GABRA4: variants seen among roughly 807,000 people sequenced by gnomAD.
GABRA4 encodes gamma-aminobutyric acid type A receptor subunit alpha4.
Under a neutral mutation model 49.7 loss-of-function variants are expected in GABRA4, and 12 were observed. The observed-to-expected ratio is 0.24, with a 90% CI of 0.15 to 0.39. The LOEUF is 0.39. GABRA4 is among the 10% of genes least tolerant of loss of function. GABRA4 has a pLI of 1.00. For missense variants in GABRA4, 506 were observed against 686.0 expected, an observed-to-expected ratio of 0.74 and a Z score of 2.93; for synonymous variants, 288 against 240.2, an observed-to-expected ratio of 1.20 and a Z score of -1.84.
At chr4:46,937,072 G>A (rs1460703639) in intron 8 of GABRA4, among the ~76,000 whole-genome samples, 4 of 152,192 alleles carry the variant, frequency 2.6e-5, no homozygotes. Context: ...TAAGGAGGTG[G>A]TTAAGGTTCA....
intron 2 of GABRA4, among the ~76,000 whole-genome samples, chr4:46,987,485 G>T (rs1226978555): frequency 6.6e-6 from 1 of 151,988 alleles, no homozygotes; most frequent in Non-Finnish European, 1.5e-5. Flanking sequence ...TCCACAGTGT[G>T]AACTTATGAG....
At chr4:46,992,967 AC>A (rs397993250) in intron 1 of GABRA4, 21 bp from the exon 2 acceptor site, 2 of 1,463,316 alleles carry the variant, frequency 1.4e-6, no homozygotes, top group African/African-American at 1.4e-5. Flanking sequence ...AAAAAAAAAA[AC>A]CGGGGGCGGA....
At chr4:46,954,353 T>C (rs1020252735) in intron 8 of GABRA4, among the ~76,000 whole-genome samples, 1 of 151,872 alleles carries the variant, frequency 6.6e-6, no homozygotes, top group Non-Finnish European at 1.5e-5. Flanking sequence ...GGTCAGGAGT[T>C]CGAGACCAGC....
At chr4:46,970,312 G>A (rs1722906578) in intron 7 of GABRA4, among the ~76,000 whole-genome samples, 1 of 151,434 alleles carries the variant, frequency 6.6e-6, no homozygotes. Flanking sequence ...GAGCAATTCT[G>A]ATCATTTTCC....
At chr4:46,943,768 A>C (rs2109350419) in intron 8 of GABRA4, among the ~76,000 whole-genome samples, 1 of 152,240 alleles carries the variant, frequency 6.6e-6, no homozygotes, top group East Asian at 1.9e-4. Context: ...TGAGGGACAT[A>C]CTGCCTACAG....
At chr4:46,951,693 A>G (rs1364114943) in intron 8 of GABRA4, among the ~76,000 whole-genome samples, 1 of 151,858 alleles carries the variant, frequency 6.6e-6, no homozygotes, top group African/African-American at 2.4e-5. Flanking sequence ...CGTTTTCCTA[A>G]TATTAATATG....
At chr4:46,972,111 C>G (rs1391557155) in intron 6 of GABRA4, among the ~76,000 whole-genome samples, 3 of 151,548 alleles carry the variant, frequency 2.0e-5, no homozygotes, top group Non-Finnish European at 3.0e-5. Context: ...AAAATAAATG[C>G]CCTTCCAAAA....
chr4:46,943,254 C>T (rs530216338), intron 8 of GABRA4, among the ~76,000 whole-genome samples: 35 of 152,194 alleles, frequency 2.3e-4, no homozygotes, highest in African/African-American at 7.7e-4. Flanking sequence ...GCACACTATC[C>T]ACCTAGCTTT....
At chr4:46,941,857 C>G (rs1159627611) in intron 8 of GABRA4, among the ~76,000 whole-genome samples, 1 of 152,050 alleles carries the variant, frequency 6.6e-6, no homozygotes, top group Admixed American at 6.6e-5. Context: ...GTTTAAAAGG[C>G]TTAAAAGGTT....
chr4:46,970,603 G>A (rs1319179584), intron 7 of GABRA4, among the ~76,000 whole-genome samples: 1 of 151,294 alleles, frequency 6.6e-6, no homozygotes, highest in Non-Finnish European at 1.5e-5. Flanking sequence ...TATAAACTAA[G>A]CATATAATAC....
intron 8 of GABRA4, among the ~76,000 whole-genome samples, chr4:46,961,848 GGAA>G (rs1359192592): frequency 6.6e-6 from 1 of 151,718 alleles, no homozygotes; most frequent in Non-Finnish European, 1.5e-5. Flanking sequence ...AAGAAGAAGA[GGAA>G]GAAGAGGAAA....
intron 2 of GABRA4, among the ~76,000 whole-genome samples, chr4:46,984,170 ATCTTGAAACTAG>A (rs1723456277): frequency 6.6e-6 from 1 of 152,038 alleles, no homozygotes; most frequent in African/African-American, 2.4e-5. Context: ...TGTTTTGCTG[ATCTTGAAACTAG>A]TCCATCCTCA....
chr4:46,982,715 T>A (rs1698773612), intron 2 of GABRA4, among the ~76,000 whole-genome samples: 1 of 152,044 alleles, frequency 6.6e-6, no homozygotes, highest in African/African-American at 2.4e-5. Context: ...GGGTTTGAAG[T>A]AAGGGAGTTT....
chr4:46,974,767 C>T (rs1723078415), intron 5 of GABRA4, among the ~76,000 whole-genome samples: 1 of 151,854 alleles, frequency 6.6e-6, no homozygotes, highest in East Asian at 1.9e-4. Context: ...AATGCTTGAC[C>T]AATACCATCC....
intron 8 of GABRA4, among the ~76,000 whole-genome samples, chr4:46,938,456 A>G (rs1204888675): frequency 1.3e-5 from 2 of 152,068 alleles, no homozygotes; most frequent in African/African-American, 4.8e-5. Context: ...TCATTTATCA[A>G]GGTGGGATTT....
At chr4:46,946,160 C>A (rs1344570594) in intron 8 of GABRA4, among the ~76,000 whole-genome samples, 1 of 152,252 alleles carries the variant, frequency 6.6e-6, no homozygotes, top group South Asian at 2.1e-4. Context: ...ATATCATTCT[C>A]CTGCTGTGAC....
intron 2 of GABRA4, among the ~76,000 whole-genome samples, chr4:46,988,939 C>T (rs1405723265): frequency 2.0e-5 from 3 of 152,190 alleles, no homozygotes; most frequent in Admixed American, 2.0e-4. Flanking sequence ...TCTTTTCTAA[C>T]AGAATGATGA....
chr4:46,978,486 G>A (rs180874454), intron 3 of GABRA4, among the ~76,000 whole-genome samples: 10 of 151,286 alleles, frequency 6.6e-5, no homozygotes, highest in African/African-American at 1.9e-4. Flanking sequence ...TCAGGAGTTC[G>A]AGACCAGCCT....
chr4:46,954,284 C>G (rs1722267189), intron 8 of GABRA4, among the ~76,000 whole-genome samples: 1 of 152,076 alleles, frequency 6.6e-6, no homozygotes, highest in Admixed American at 6.6e-5. Flanking sequence ...GAGCCGGGCA[C>G]AGTGGCTCAT....
Sources: gnomAD v4.1 joint callset for allele counts (sites outside exome capture counted in the v4.1 genomes callset) on GRCh38, gnomAD v4.1.1 for gene constraint, MANE v1.5 for transcripts, NCBI Gene and HGNC (gene_info 2026-07-23, HGNC 2026-07-21) for gene names.